MROH2A: variants seen among roughly 807,000 people sequenced by gnomAD.
The protein encoded by MROH2A is maestro heat-like repeat-containing protein family member 2A.
A neutral mutation model predicts 200.4 loss-of-function variants in MROH2A; 174 were observed. That is an observed-to-expected ratio of 0.87 (90% CI 0.77 to 0.98). The LOEUF is 0.98. Ranked by LOEUF, MROH2A falls within the 50% of genes least tolerant of loss-of-function variation. The pLI is 0.00. For missense variants in MROH2A, 2,045 were observed against 2,139.6 expected (o/e 0.96, Z 0.87); for synonymous variants, 829 against 840.4 (o/e 0.99, Z 0.23).
chr2:233,813,169 C>CT (rs1421205012), intron 24 of MROH2A, among the ~76,000 whole-genome samples: 1 of 152,202 alleles, frequency 6.6e-6, no homozygotes, highest in African/African-American at 2.4e-5. Flanking sequence ...CTCTGGAGGG[C>CT]TTATCAAAAC....
In MROH2A at chr2:233,832,590, A is replaced by G. The variant is rs746517636; in HGVS notation, c.4849A>G (p.Lys1617Glu). 6.8e-5 allele frequency: 105 copies of G among 1,548,956 alleles called. No homozygotes were observed. Among genetic ancestry groups the G allele is most frequent in the Middle Eastern group, 5.0e-4 (3 of 5,990 alleles). ...AACNLAGIIM[K>E]QMSTHYLKKL... The stretch of plus-strand genomic sequence containing the variant: ...GGCTATTGTTTTAGGAATTATTATG[A>G]AGCAGATGTCTACACATTATCTGAA... The change falls in exon 41 of 42, where the codon AAG becomes GAG. Residue 1617 changes from lysine to glutamate, a missense_variant. Physicochemically the swap from Lys to Glu is moderately conservative, Grantham distance 56 (BLOSUM62 1). Transcript: ENST00000389758.
In MROH2A at chr2:233,793,688, G is replaced by C. The variant is rs1701930099; in HGVS notation, c.686G>C (p.Cys229Ser). The change falls in exon 7 of 42, where the codon TGT becomes TCT. Residue 229 changes from cysteine (C) to serine (S), a missense_variant. Physicochemically the swap from Cys to Ser is moderately radical, Grantham distance 112. This residue lies in a region of MROH2A where 831 missense variants were observed against 800.0 expected (regional missense o/e 1.04). Transcript: ENST00000389758. The part of the protein sequence containing the change: ...QAICSAMETF[C>S]ETVQFYLKHL... Reference sequence around the variant, plus strand: ...CTGTTGGTAGCCATGGAGACCTTCTGTGAGACGGTGCAGTTTTATCTGAAG... The same window carrying C: ...CTGTTGGTAGCCATGGAGACCTTCTCTGAGACGGTGCAGTTTTATCTGAAG... 3 of 1,427,842 alleles carry C rather than the reference G, an allele frequency of 2.1e-6. No individual in the cohort carries two copies. The African/African-American group carries it at 4.4e-5, about 21-fold the overall frequency. 88.4% of individuals were successfully genotyped at this position (1,427,842 alleles called of 1,614,324 possible).
rs576456453 is a variant in MROH2A, at chr2:233,783,423, A to G, written c.276+3571A>G. On this transcript the variant is annotated intron_variant, in intron 3 of 41. Transcript: ENST00000389758. ...CGATACTGGTTCATCGGAGTTTTCT[A>G]TTTCTTCGTTGTTCAATCTTGGTAG... is the stretch of plus-strand genomic sequence containing the variant. 7.3e-4 allele frequency among the ~76,000 whole-genome samples: 111 copies of G among 151,926 alleles called. 1 individual carries two copies. Among genetic ancestry groups the G allele is most frequent in the Non-Finnish European group, 1.5e-3 (102 of 67,984 alleles).
At position 233,804,479 on chromosome 2, in the gene MROH2A, A is replaced by G. The variant is rs1702669047; in HGVS notation, c.1892-16A>G. Reference sequence around the variant, plus strand: ...GGAAGAAAGTGGCATGTGTGACCATACATGTGTTCCTGCAGAACATACTGA... The same window carrying G: ...GGAAGAAAGTGGCATGTGTGACCATGCATGTGTTCCTGCAGAACATACTGA... On this transcript the variant is annotated splice_polypyrimidine_tract_variant and intron_variant, in intron 17 of 41. Coordinates refer to ENST00000389758, the MANE Select transcript of MROH2A (RefSeq NM_001394639.1). 2 of 1,550,938 alleles carry G rather than the reference A, an allele frequency of 1.3e-6. No homozygotes were observed. The highest frequency in any genetic ancestry group is 2.0e-5 in the Admixed American group (1 of 50,988).
rs772866630 is a variant in MROH2A, at chr2:233,795,984, G to T, written c.1077G>T (p.Pro359=). 1.3e-6 allele frequency: 2 copies of T among 1,550,460 alleles called. No individual in the cohort carries two copies. Among genetic ancestry groups the T allele is most frequent in the African/African-American group, 2.7e-5 (2 of 73,050 alleles). ...CTCACCAGGTGTGCAACAAGGCCCCGGCCCAGCATCAGTACAGCAGCCAGA... is the reference window on the plus strand; with the variant it reads ...CTCACCAGGTGTGCAACAAGGCCCCTGCCCAGCATCAGTACAGCAGCCAGA... ...ELHVQVCNKA[P]AQHQYSSQNL... The change falls in exon 10 of 42, where the codon CCG becomes CCT. Residue 359 remains proline (P), a synonymous_variant. Coordinates refer to ENST00000389758, the MANE Select transcript of MROH2A (RefSeq NM_001394639.1).
intron 38 of MROH2A, among the ~76,000 whole-genome samples, chr2:233,830,883 G>A (rs914537586): frequency 1.1e-4 from 16 of 152,118 alleles, no homozygotes; most frequent in East Asian, 1.9e-4. Context: ...ATGTTTTATC[G>A]ACAACTGTCC....
chr2:233,794,334 T>C, intron 7 of MROH2A, 29 bp from the exon 8 acceptor site: 1 of 1,506,876 alleles, frequency 6.6e-7, no homozygotes, highest in Non-Finnish European at 9.0e-7. Flanking sequence ...GGTGAGACAA[T>C]GCGTCCCAGA....
intron 3 of MROH2A, among the ~76,000 whole-genome samples, chr2:233,783,144 C>T (rs988082865): frequency 6.6e-6 from 1 of 152,092 alleles, no homozygotes; most frequent in African/African-American, 2.4e-5. Flanking sequence ...ATTTCTGCAT[C>T]TATGTTCATC....
At chr2:233,790,053 C>T in intron 5 of MROH2A, 39 bp downstream of exon 5, 1 of 1,497,724 alleles carries the variant, frequency 6.7e-7, no homozygotes, top group Non-Finnish European at 8.9e-7. Context: ...CCAGTGTGCC[C>T]TTCTGGTCTC....
chr2:233,804,295 G>T, intron 17 of MROH2A, 103 bp downstream of exon 17: 1 of 1,479,056 alleles, frequency 6.8e-7, no homozygotes, highest in South Asian at 1.3e-5. Flanking sequence ...GCTCACAGTT[G>T]ACCCACACAG....
intron 3 of MROH2A, among the ~76,000 whole-genome samples, chr2:233,789,259 A>G (rs1371378962): frequency 6.6e-6 from 1 of 152,212 alleles, no homozygotes; most frequent in African/African-American, 2.4e-5. Context: ...GCCTTGCCAG[A>G]TATTTACTGA....
At position 233,805,039 on chromosome 2, in the gene MROH2A, T is replaced by C; in HGVS notation, c.1980T>C (p.Ser660=). 1 of 1,550,262 alleles carries C rather than the reference T, an allele frequency of 6.5e-7. No individual in the cohort carries two copies. The highest frequency in any genetic ancestry group is 1.2e-5 in the South Asian group (1 of 84,056). ...ACTCCCTCAAGAAGACCCGGGGGTC[T>C]AGCTGGAGCCTGCGCTTGAGTAAAG... The part of the protein sequence containing the change: ...LRNSLKKTRG[S]SWSLRLSKEL... The change falls in exon 19 of 42, where the codon TCT becomes TCC. Residue 660 remains serine (S), a synonymous_variant. Transcript: ENST00000389758.
intron 15 of MROH2A, among the ~76,000 whole-genome samples, chr2:233,803,035 T>C (rs1702569906): frequency 6.6e-6 from 1 of 152,166 alleles, no homozygotes; most frequent in Non-Finnish European, 1.5e-5. Flanking sequence ...TTGTGCGCTG[T>C]TGGTTTGCTT....
intron 10 of MROH2A, 68 bp from the exon 11 acceptor site, chr2:233,796,132 T>G (rs991361682): frequency 6.6e-7 from 1 of 1,512,666 alleles, no homozygotes. Context: ...GCGCTGGGCC[T>G]GGGACTGCCT....
chr2:233,787,682 CAT>C (rs1213597770), intron 3 of MROH2A, among the ~76,000 whole-genome samples: 1 of 42,976 alleles, frequency 2.3e-5, no homozygotes, highest in African/African-American at 1.2e-4. Context: ...ATTATATATA[CAT>C]ATATATTATA....
In MROH2A at chr2:233,779,426, T is replaced by C. The variant is rs1330393935; in HGVS notation, c.68T>C (p.Leu23Pro). The change falls in exon 2 of 42, where the codon CTG (leucine) becomes CCG (proline). Residue 23 changes from leucine (L) to proline (P), a missense_variant. Around this residue, in one of 3 missense-constraint regions of MROH2A, gnomAD observed 831 missense variants for 800.0 expected, o/e 1.04. Transcript: ENST00000389758. Reference sequence around the variant, plus strand: ...GAGGTGTCAGAGGAAAGAGACGACCTGGGGCCTCTTGAATTACATGACAGT... The same window carrying C: ...GAGGTGTCAGAGGAAAGAGACGACCCGGGGCCTCTTGAATTACATGACAGT... ...SEEVSEERDD[L>P]GPLELHDSGT... is the part of the protein sequence containing the mutation. 7.1e-6 allele frequency: 11 copies of C among 1,549,528 alleles called. No individual in the cohort carries two copies. In the South Asian group the frequency reaches 9.5e-5, roughly 13 times the overall value.
Position 233,779,706 on chromosome 2 carries a change from A to G in MROH2A, c.130A>G (p.Ile44Val), listed in dbSNP as rs369049742. The stretch of plus-strand genomic sequence containing the variant: ...ACAAGTCGTGAACCTTCTGGACATC[A>G]TTGACAGCGAGTCAGCAAAGACGGA... ...FQQVVNLLDI[I>V]DSESAKTDTT... The change falls in exon 3 of 42, where the codon ATT (isoleucine) becomes GTT (valine). Residue 44 changes from isoleucine to valine, a missense_variant. Ile to Val is a conservative substitution (Grantham distance 29). Coordinates refer to ENST00000389758, the MANE Select transcript of MROH2A (RefSeq NM_001394639.1). The G allele has an allele frequency of 3.9e-6, 6 of 1,551,152 alleles. No individual in the cohort carries two copies. Among genetic ancestry groups the G allele is most frequent in the African/African-American group, 2.7e-5 (2 of 73,142 alleles).
intron 1 of MROH2A, 82 bp downstream of exon 1, chr2:233,778,563 G>C: frequency 6.0e-6 from 1 of 167,362 alleles, no homozygotes; most frequent in South Asian, 2.0e-4. Context: ...CCATGGGATG[G>C]ATCTTTGAGG....
At chr2:233,783,757 C>G (rs1445328084) in intron 3 of MROH2A, among the ~76,000 whole-genome samples, 2 of 152,156 alleles carry the variant, frequency 1.3e-5, no homozygotes, top group African/African-American at 4.8e-5. Context: ...CCAGGCTGGT[C>G]TCAAACTCCT....
Sources: allele counts gnomAD v4.1 joint callset (sites outside exome capture counted in the v4.1 genomes callset), GRCh38; gene constraint gnomAD v4.1.1; regional missense constraint gnomAD v4.1.1; transcripts MANE v1.5; gene names NCBI Gene and HGNC (gene_info 2026-07-23, HGNC 2026-07-21).